CAPN9: variants seen among roughly 807,000 people sequenced by gnomAD.
CAPN9 encodes the protein calpain-9.
In CAPN9, 81 loss-of-function variants were observed where a neutral mutation model predicts 92.8. That is an observed-to-expected ratio of 0.87 (90% CI 0.73 to 1.05). CAPN9 has a LOEUF of 1.05. Among genes scored for constraint, CAPN9 ranks in the 50% least tolerant of loss-of-function variants. The pLI is 0.00. For synonymous variants in CAPN9, 304 were observed against 328.0 expected (o/e 0.93, Z 0.79); for missense variants, 848 against 866.2 (o/e 0.98, Z 0.26).
intron 10 of CAPN9, 44 bp from the exon 11 acceptor site, chr1:230,780,456 G>C (rs1453412009): frequency 1.9e-6 from 3 of 1,608,326 alleles, no homozygotes; most frequent in Non-Finnish European, 2.6e-6. Flanking sequence ...GAAAAGCCAA[G>C]AGGAACTTCC....
chr1:230,780,852 T>A, intron 11 of CAPN9, 144 bp downstream of exon 11: 2 of 535,970 alleles, frequency 3.7e-6, no homozygotes. Flanking sequence ...GTTTCTTTCT[T>A]TTCTTTTATT....
chr1:230,768,609 A>T (rs1666168196), intron 5 of CAPN9, among the ~76,000 whole-genome samples: 2 of 150,522 alleles, frequency 1.3e-5, no homozygotes, highest in African/African-American at 4.9e-5. Context: ...GATATTTTTT[A>T]AAATTTTCTC....
Position 230,767,204 on chromosome 1 carries a change from C to G in CAPN9, c.537-337C>G, listed in dbSNP as rs80229727. 6.3e-4 allele frequency among the ~76,000 whole-genome samples: 96 copies of G among 152,200 alleles called. 2 individuals are homozygous for G. The East Asian group carries it at 0.016, about 25-fold the overall frequency. ...GAAGGGAGAGCACAACTCTCTCCCC[C>G]ATTTTGCATATAAGAAAATGAAGGC... is the stretch of plus-strand genomic sequence containing the variant. On this transcript the variant is annotated intron_variant, in intron 4 of 19. Transcript: ENST00000271971.
chr1:230,787,754 C>G, intron 13 of CAPN9, 152 bp downstream of exon 13: 1 of 649,682 alleles, frequency 1.5e-6, no homozygotes, highest in Non-Finnish European at 2.7e-6. Flanking sequence ...TCATTCAAGG[C>G]CCAAAGACCA....
Position 230,790,159 on chromosome 1 carries a change from G to A in CAPN9, c.1627G>A (p.Glu543Lys), listed in dbSNP as rs1459220608. ...CATGGAGGTGACAGCAGAGGAACTT[G>A]AGTATGTTTTAAATGCTGTGCTGCA... ...EDMEVTAEELEYVLNAVLQKK... is the reference protein window; with the variant it reads ...EDMEVTAEELKYVLNAVLQKK... The change falls in exon 14 of 20, where the codon GAG becomes AAG. Residue 543 changes from glutamate to lysine, a missense_variant. Glu to Lys is a moderately conservative substitution (Grantham distance 56). Transcript: ENST00000271971. The A allele has an allele frequency of 1.2e-6, 2 of 1,614,114 alleles. No homozygotes were observed. The highest frequency in any genetic ancestry group is 1.7e-6 in the Non-Finnish European group (2 of 1,179,978).
chr1:230,789,707 G>A (rs777378466), intron 13 of CAPN9, among the ~76,000 whole-genome samples: 2 of 152,208 alleles, frequency 1.3e-5, no homozygotes, highest in South Asian at 2.1e-4. Flanking sequence ...CCCCAGATGC[G>A]GGACTATTTT....
At chr1:230,764,811 C>T (rs1325890517) in intron 4 of CAPN9, among the ~76,000 whole-genome samples, 1 of 152,086 alleles carries the variant, frequency 6.6e-6, no homozygotes, top group South Asian at 2.1e-4. Context: ...GGGAGGAGGC[C>T]AGAATGATCC....
intron 6 of CAPN9, among the ~76,000 whole-genome samples, chr1:230,770,930 G>T (rs3790970): frequency 1.3e-5 from 2 of 152,076 alleles, no homozygotes; most frequent in East Asian, 3.9e-4. Context: ...GTGAGACGCC[G>T]TTGGACTCTT....
chr1:230,785,550 A>G (rs1667525607), intron 11 of CAPN9, among the ~76,000 whole-genome samples: 1 of 152,018 alleles, frequency 6.6e-6, no homozygotes, highest in African/African-American at 2.4e-5. Context: ...CCCCCATACC[A>G]CCCTGCTCCT....
Position 230,780,165 on chromosome 1 carries a change from C to T in CAPN9, c.1115-14C>T. 2 of 1,608,914 alleles carry T rather than the reference C, an allele frequency of 1.2e-6. No homozygotes were observed. The highest frequency in any genetic ancestry group is 1.1e-5 in the South Asian group (1 of 90,306). On this transcript the variant is annotated splice_polypyrimidine_tract_variant and intron_variant, in intron 9 of 19. Coordinates refer to ENST00000271971, the MANE Select transcript of CAPN9 (RefSeq NM_006615.3). ...TTTAAAAGGGGAAAATAATCTACCT[C>T]TCCCAAATGACAGATACCTTTTGGA...
Position 230,801,821 on chromosome 1 carries a change from G to A in CAPN9, c.*225G>A, listed in dbSNP as rs74413217. On this transcript the variant is annotated 3_prime_UTR_variant, in exon 20 of 20. Coordinates refer to ENST00000271971, the MANE Select transcript of CAPN9 (RefSeq NM_006615.3). ...TCACTGCCTTAAGGGGGCTGATGGC[G>A]CCACCTGTGCCTTACATCCAGGTTC... The A allele has an allele frequency of 7.1e-5, 40 of 561,956 alleles. No homozygotes were observed. The highest frequency in any genetic ancestry group is 7.5e-5 in the African/African-American group (4 of 53,632). The allele number at this position is 561,956 out of a possible 1,614,324, so 34.8% of individuals were successfully genotyped here. A position where few individuals can be genotyped will look rare whatever the true frequency, so the allele number is the denominator to read the frequency against.
intron 11 of CAPN9, among the ~76,000 whole-genome samples, chr1:230,782,531 CTCT>C (rs1412292298): frequency 1.3e-5 from 2 of 152,168 alleles, no homozygotes; most frequent in African/African-American, 2.4e-5. Flanking sequence ...CCTGCTCCTC[CTCT>C]TAATATTACT....
At chr1:230,780,048 A>G in intron 9 of CAPN9, 131 bp from the exon 10 acceptor site, 1 of 660,236 alleles carries the variant, frequency 1.5e-6, no homozygotes, top group Non-Finnish European at 2.5e-6. Flanking sequence ...CATGTTTGGT[A>G]GGACATATAA....
chr1:230,794,210 G>A (rs577145541), intron 17 of CAPN9, among the ~76,000 whole-genome samples: 66 of 152,296 alleles, frequency 4.3e-4, no homozygotes, highest in African/African-American at 1.5e-3. Context: ...CTGGCCAGGT[G>A]TGGTGGCTCA....
chr1:230,761,555 A>AACACACACACAC (rs147168033), intron 3 of CAPN9, among the ~76,000 whole-genome samples: 3,007 of 150,616 alleles, frequency 0.02, 51 homozygotes, highest in South Asian at 0.03. Flanking sequence ...TCTTCCTTAA[A>AACACACACACAC]ACACACACAC....
chr1:230,759,116 C>G (rs754609083), intron 2 of CAPN9, among the ~76,000 whole-genome samples: 3 of 152,192 alleles, frequency 2.0e-5, no homozygotes, highest in Non-Finnish European at 2.9e-5. Flanking sequence ...TAACCACCCT[C>G]CCAAGTACTG....
rs574888069 is a variant in CAPN9, at chr1:230,747,422, C to T, written c.-75C>T. 16 of 1,314,526 alleles carry T rather than the reference C, an allele frequency of 1.2e-5. No individual in the cohort carries two copies. Among genetic ancestry groups the T allele is most frequent in the Middle Eastern group, 2.5e-4 (1 of 3,948 alleles). The allele number at this position is 1,314,526 out of a possible 1,614,324, so 81.4% of individuals were successfully genotyped here. On this transcript the variant is annotated 5_prime_UTR_variant, in exon 1 of 20. Coordinates refer to ENST00000271971, the MANE Select transcript of CAPN9 (RefSeq NM_006615.3). ...GCCCTCTGAGCTGTTCCTTCTTGAC[C>T]GGCACACACAGCTCGCTTCTTCACT...
intron 12 of CAPN9, 143 bp downstream of exon 12, chr1:230,786,160 T>C: frequency 6.4e-7 from 1 of 1,563,530 alleles, no homozygotes; most frequent in Non-Finnish European, 8.7e-7. Context: ...TCTAACCTCC[T>C]GGAGACCAAG....
At chr1:230,749,192 T>C (rs1418924055) in intron 1 of CAPN9, among the ~76,000 whole-genome samples, 1 of 152,226 alleles carries the variant, frequency 6.6e-6, no homozygotes, top group Non-Finnish European at 1.5e-5. Context: ...CCCAGGCACC[T>C]TCCTCACCGA....
Sources: allele counts gnomAD v4.1 joint callset (sites outside exome capture counted in the v4.1 genomes callset), GRCh38; gene constraint gnomAD v4.1.1; transcripts MANE v1.5; gene names NCBI Gene and HGNC (gene_info 2026-07-23, HGNC 2026-07-21).